Variants in MAGI2 observed in about 807,000 individuals in gnomAD.
The protein encoded by MAGI2 is membrane-associated guanylate kinase, WW and PDZ domain-containing protein 2.
MAGI2 carries 35 observed loss-of-function variants against 133.3 expected under a neutral mutation model. That is an observed-to-expected ratio of 0.26 (90% CI 0.20 to 0.35). The LOEUF is 0.35. MAGI2 is among the 10% of genes least tolerant of loss of function. The pLI, the probability that MAGI2 is intolerant of heterozygous loss-of-function variation, is 1.00. For synonymous variants in MAGI2, 729 were observed against 710.6 expected, an observed-to-expected ratio of 1.03 and a Z score of -0.41; for missense variants, 1,636 against 1,863.4, an observed-to-expected ratio of 0.88 and a Z score of 2.25.
At chr7:78,839,062 G>A (rs906367332) in intron 2 of MAGI2, among the ~76,000 whole-genome samples, 18 of 151,992 alleles carry the variant, frequency 1.2e-4, no homozygotes, top group Non-Finnish European at 2.6e-4. Flanking sequence ...GACAGCATAG[G>A]GAAGAAGAAA....
At chr7:78,673,308 A>G (rs1814614848) in intron 2 of MAGI2, among the ~76,000 whole-genome samples, 1 of 151,846 alleles carries the variant, frequency 6.6e-6, no homozygotes, top group Non-Finnish European at 1.5e-5. Flanking sequence ...ACACACACAC[A>G]GCACACACAC....
At chr7:78,120,178 G>A (rs927724412) in intron 20 of MAGI2, among the ~76,000 whole-genome samples, 5 of 152,056 alleles carry the variant, frequency 3.3e-5, no homozygotes, top group Non-Finnish European at 7.4e-5. Flanking sequence ...CGAGGTGGGC[G>A]GATCACGAGG....
At chr7:78,888,764 C>A (rs1262000357) in intron 2 of MAGI2, among the ~76,000 whole-genome samples, 6 of 152,048 alleles carry the variant, frequency 3.9e-5, no homozygotes. Flanking sequence ...GTAGATAAAA[C>A]CACAAAGATG....
chr7:78,705,462 G>A (rs1818549115), intron 2 of MAGI2, among the ~76,000 whole-genome samples: 1 of 152,088 alleles, frequency 6.6e-6, no homozygotes, highest in South Asian at 2.1e-4. Context: ...TGTGAAAATT[G>A]ACTAATATAC....
At chr7:78,882,358 A>G (rs1240930288) in intron 2 of MAGI2, among the ~76,000 whole-genome samples, 1 of 151,958 alleles carries the variant, frequency 6.6e-6, no homozygotes, top group Admixed American at 6.6e-5. Context: ...GAATTCTGTT[A>G]TTGAAATAGT....
chr7:78,354,153 T>C (rs1250963249), intron 7 of MAGI2, among the ~76,000 whole-genome samples: 2 of 152,210 alleles, frequency 1.3e-5, no homozygotes, highest in East Asian at 3.8e-4. Flanking sequence ...GAATTAGAGA[T>C]GTTCCATGCG....
At chr7:78,801,599 AATAAT>A (rs375715767) in intron 2 of MAGI2, among the ~76,000 whole-genome samples, 1 of 111,194 alleles carries the variant, frequency 9.0e-6, no homozygotes, top group Non-Finnish European at 2.0e-5. Context: ...ATGAAACCCA[AATAAT>A]AAAAAGGGTT....
chr7:79,414,040 A>C (rs1846322984), intron 1 of MAGI2: 1 of 152,158 alleles, frequency 6.6e-6, no homozygotes, highest in African/African-American at 2.4e-5. Context: ...GTATTCCAGG[A>C]CATCAGAGGA....
chr7:78,773,914 A>T (rs1243931269), intron 2 of MAGI2, among the ~76,000 whole-genome samples: 1 of 152,248 alleles, frequency 6.6e-6, no homozygotes, highest in African/African-American at 2.4e-5. Context: ...TGAAGGGCAG[A>T]TGACAGCAGT....
chr7:78,486,307 G>A (rs979521044), intron 6 of MAGI2: 1 of 151,898 alleles, frequency 6.6e-6, no homozygotes, highest in Non-Finnish European at 1.5e-5. Context: ...GTCCTGAGAA[G>A]AAAAATATTT....
At chr7:78,299,276 A>AGAT (rs1351514318) in intron 9 of MAGI2, among the ~76,000 whole-genome samples, 2 of 152,336 alleles carry the variant, frequency 1.3e-5, no homozygotes, top group South Asian at 2.1e-4. Context: ...AATTTGTCAC[A>AGAT]GATAGAAAAT....
At chr7:78,416,921 C>A (rs941571115) in intron 6 of MAGI2, among the ~76,000 whole-genome samples, 1 of 152,038 alleles carries the variant, frequency 6.6e-6, no homozygotes, top group Non-Finnish European at 1.5e-5. Flanking sequence ...CTTCACAGCC[C>A]CTAGAACTGT....
rs1312847355 is a variant in MAGI2, at chr7:78,861,185, C to CA, written c.418+145904dup. 3.9e-5 allele frequency among the ~76,000 whole-genome samples: 6 copies of CA among 152,326 alleles called. 1 individual carries two copies. Among genetic ancestry groups the CA allele is most frequent in the Admixed American group, 6.5e-5 (1 of 15,312 alleles). On this transcript the variant is annotated intron_variant, in intron 2 of 21. Transcript: ENST00000354212. ...GGAAAGGGAATTCCCCGACCCCTTG[C>CA]ACTTCCCGGGTGAGGCGATGCCCCG...
intron 1 of MAGI2, among the ~76,000 whole-genome samples, chr7:79,174,847 A>C (rs1168052408): frequency 6.6e-6 from 1 of 151,934 alleles, no homozygotes; most frequent in Non-Finnish European, 1.5e-5. Flanking sequence ...GTGAAATATT[A>C]TCTTCCTTTT....
At chr7:78,845,317 G>T (rs1792497516) in intron 2 of MAGI2, among the ~76,000 whole-genome samples, 1 of 151,844 alleles carries the variant, frequency 6.6e-6, no homozygotes, top group Non-Finnish European at 1.5e-5. Flanking sequence ...CTCTGGGTCA[G>T]AATATAAACT....
chr7:78,430,698 A>G lies in MAGI2; in HGVS notation c.1045+59063T>C, dbSNP rs543971721. Among the ~76,000 whole-genome samples the G allele has an allele frequency of 4.6e-5, 7 of 152,252 alleles. No individual in the cohort carries two copies. The East Asian group carries it at 1.4e-3, about 29-fold the overall frequency. Reference sequence around the variant, plus strand: ...GGTAACTTTCTGAGCTGGAAGGGACATGCCCCAAAAGTGTAGTAATTTGTC... The same window carrying G: ...GGTAACTTTCTGAGCTGGAAGGGACGTGCCCCAAAAGTGTAGTAATTTGTC... On this transcript the variant is annotated intron_variant, in intron 6 of 21. Coordinates refer to ENST00000354212, the MANE Select transcript of MAGI2 (RefSeq NM_012301.4).
intron 1 of MAGI2, among the ~76,000 whole-genome samples, chr7:79,398,734 T>G (rs762081299): frequency 2.6e-5 from 4 of 152,234 alleles, no homozygotes; most frequent in Non-Finnish European, 5.9e-5. Flanking sequence ...AGGTTTTCTA[T>G]TAGTTCATTT....
chr7:78,611,809 T>C (rs773378127), intron 3 of MAGI2, among the ~76,000 whole-genome samples: 1 of 152,112 alleles, frequency 6.6e-6, no homozygotes, highest in Non-Finnish European at 1.5e-5. Context: ...AAAGTAGACA[T>C]CCAGCACAAA....
intron 6 of MAGI2, among the ~76,000 whole-genome samples, chr7:78,461,225 A>C (rs1288096555): frequency 6.6e-6 from 1 of 152,196 alleles, no homozygotes; most frequent in East Asian, 1.9e-4. Context: ...TACCTGTGCT[A>C]GGTCAATAAA....
Sources: gnomAD v4.1 joint callset for allele counts (sites outside exome capture counted in the v4.1 genomes callset) on GRCh38, gnomAD v4.1.1 for gene constraint, MANE v1.5 for transcripts, NCBI Gene and HGNC (gene_info 2026-07-23, HGNC 2026-07-21) for gene names.